The following ZMYM5 variants were observed in gnomAD, a reference collection of about 807,000 sequenced individuals.
ZMYM5 encodes zinc finger MYM-type protein 5.
ZMYM5 carries 41 observed loss-of-function variants against 61.8 expected under a neutral mutation model. That is an observed-to-expected ratio of 0.66 (90% CI 0.52 to 0.86). ZMYM5 has a LOEUF of 0.86. Ranked by LOEUF, ZMYM5 falls within the 40% of genes least tolerant of loss-of-function variation. The probability of loss-of-function intolerance (pLI) is 0.00; values close to 1 mark genes in which losing one functional copy is unlikely to be tolerated. For missense variants in ZMYM5, 706 were observed against 786.7 expected (o/e 0.90, Z 1.23); for synonymous variants, 257 against 276.4 (o/e 0.93, Z 0.70).
At chr13:19,855,723 T>C (rs1380123251) in intron 2 of ZMYM5, among the ~76,000 whole-genome samples, 3 of 151,320 alleles carry the variant, frequency 2.0e-5, no homozygotes, top group Non-Finnish European at 4.4e-5. Context: ...GTTAAAACAC[T>C]ACTAAAGGCC....
rs11449895 is a variant in ZMYM5, at chr13:19,837,024, G to GTT, written c.1038+630_1038+631dup. On this transcript the variant is annotated intron_variant, in intron 6 of 7. Coordinates refer to ENST00000337963, the MANE Select transcript of ZMYM5 (RefSeq NM_001142684.2). ...TTGTTAGATGGGTATGTTGTTTTTT[G>GTT]TTTTTTTTTTTTTCTTTCTTTTTTT... Among the ~76,000 whole-genome samples the GTT allele has an allele frequency of 8.5e-4, 122 of 143,948 alleles. 1 individual carries two copies. Among genetic ancestry groups the GTT allele is most frequent in the South Asian group, 1.6e-3 (7 of 4,488 alleles). 94.4% of individuals were successfully genotyped at this position (143,948 alleles called of 152,430 possible).
chr13:19,841,170 G>T (rs1164141755), intron 4 of ZMYM5, among the ~76,000 whole-genome samples: 1 of 151,388 alleles, frequency 6.6e-6, no homozygotes, highest in African/African-American at 2.4e-5. Context: ...TCACCATGTT[G>T]GTCAGGCTGG....
chr13:19,824,950 T>C lies in ZMYM5; in HGVS notation c.1537A>G (p.Ile513Val), dbSNP rs545110086. Residue 513 changes from isoleucine to valine, a missense_variant, in exon 8 of 8, where the codon ATT becomes GTT. Transcript: ENST00000337963. ...TCTGCGGAAAGCACAACTGGTACAA[T>C]GGAGTCTTCAAAATTTTTCTCTTCC... ...QLEEKNFEDSIVPVVLSADPG... is the reference protein window; with the variant it reads ...QLEEKNFEDSVVPVVLSADPG... 1.2e-5 allele frequency: 17 copies of C among 1,365,306 alleles called. No individual in the cohort carries two copies. Among genetic ancestry groups the C allele is most frequent in the Middle Eastern group, 2.1e-4 (1 of 4,764 alleles). The allele number at this position is 1,365,306 out of a possible 1,614,324, so 84.6% of individuals were successfully genotyped here. A position where few individuals can be genotyped will look rare whatever the true frequency, so the allele number is the denominator to read the frequency against.
chr13:19,858,351 T>G (rs1953586888), intron 2 of ZMYM5, among the ~76,000 whole-genome samples: 2 of 151,818 alleles, frequency 1.3e-5, no homozygotes, highest in Non-Finnish European at 2.9e-5. Flanking sequence ...TTGGGAGGCC[T>G]AGGCAGGTGG....
intron 6 of ZMYM5, among the ~76,000 whole-genome samples, chr13:19,836,827 G>C (rs1206604021): frequency 1.3e-5 from 2 of 152,120 alleles, no homozygotes; most frequent in African/African-American, 4.8e-5. Context: ...CTTTTATAAA[G>C]TGAGGACTGC....
intron 2 of ZMYM5, among the ~76,000 whole-genome samples, chr13:19,861,648 G>C (rs1337782667): frequency 6.6e-6 from 1 of 152,094 alleles, no homozygotes; most frequent in Non-Finnish European, 1.5e-5. Flanking sequence ...TTTGATCAGG[G>C]TTGAAAGGAC....
chr13:19,852,714 T>C (rs1160903673), intron 2 of ZMYM5, among the ~76,000 whole-genome samples: 1 of 152,312 alleles, frequency 6.6e-6, no homozygotes, highest in East Asian at 1.9e-4. Flanking sequence ...ATGGGCTTTT[T>C]ACAGAAAATA....
At chr13:19,833,009 C>CA (rs1381096034) in intron 7 of ZMYM5, among the ~76,000 whole-genome samples, 1 of 152,024 alleles carries the variant, frequency 6.6e-6, no homozygotes, top group Non-Finnish European at 1.5e-5. Flanking sequence ...GCTAGGATTA[C>CA]AGGCACGTAC....
intron 6 of ZMYM5, among the ~76,000 whole-genome samples, chr13:19,836,245 C>T (rs189844795): frequency 6.6e-6 from 1 of 151,636 alleles, no homozygotes; most frequent in Non-Finnish European, 1.5e-5. Context: ...TCCCTAAAGA[C>T]ATTTAATAAC....
chr13:19,827,783 G>A (rs1322651394), intron 7 of ZMYM5, among the ~76,000 whole-genome samples: 2 of 152,056 alleles, frequency 1.3e-5, no homozygotes, highest in African/African-American at 4.8e-5. Flanking sequence ...TGTAATCCCA[G>A]CACTTTGGGA....
chr13:19,848,879 T>C lies in ZMYM5; in HGVS notation c.586+2476A>G, dbSNP rs147488395. On this transcript the variant is annotated intron_variant, in intron 4 of 7. Coordinates refer to ENST00000337963, the MANE Select transcript of ZMYM5 (RefSeq NM_001142684.2). ...AGCTGGGACTACAGGTGCACGCCACTATACCTGGCTAAAGCTTTAATTTTT... is the reference window on the plus strand; with the variant it reads ...AGCTGGGACTACAGGTGCACGCCACCATACCTGGCTAAAGCTTTAATTTTT... 2.4e-3 allele frequency among the ~76,000 whole-genome samples: 358 copies of C among 152,186 alleles called. 1 individual carries two copies. Among genetic ancestry groups the C allele is most frequent in the African/African-American group, 6.5e-3 (271 of 41,500 alleles).
At chr13:19,839,709 ACAAT>A (rs1248335620) in intron 4 of ZMYM5, among the ~76,000 whole-genome samples, 1 of 152,136 alleles carries the variant, frequency 6.6e-6, no homozygotes, top group African/African-American at 2.4e-5. Context: ...ATACCACTAA[ACAAT>A]CAATCCATCT....
At chr13:19,862,074 G>C (rs1487657815) in intron 2 of ZMYM5, among the ~76,000 whole-genome samples, 1 of 152,176 alleles carries the variant, frequency 6.6e-6, no homozygotes, top group African/African-American at 2.4e-5. Context: ...TTATTCAGTA[G>C]TGTTTCTTTT....
chr13:19,833,858 G>A (rs1307135403), intron 7 of ZMYM5, among the ~76,000 whole-genome samples: 1 of 152,088 alleles, frequency 6.6e-6, no homozygotes, highest in Non-Finnish European at 1.5e-5. Flanking sequence ...AAAATCTTCC[G>A]GCCAGGCACA....
chr13:19,840,845 T>C (rs574347859), intron 4 of ZMYM5, among the ~76,000 whole-genome samples: 1 of 151,916 alleles, frequency 6.6e-6, no homozygotes, highest in Non-Finnish European at 1.5e-5. Context: ...GCCCGGCTAA[T>C]TTTTTGTATT....
At chr13:19,833,245 A>G (rs1221095869) in intron 7 of ZMYM5, among the ~76,000 whole-genome samples, 1 of 152,186 alleles carries the variant, frequency 6.6e-6, no homozygotes, top group Non-Finnish European at 1.5e-5. Context: ...TAACCAATTA[A>G]ATTCTCATCC....
chr13:19,824,894 A>G lies in ZMYM5; in HGVS notation c.1593T>C (p.Ile531=). The change falls in exon 8 of 8, where the codon ATT becomes ATC. Residue 531 remains isoleucine (I), a synonymous_variant. Transcript: ENST00000337963. ...TTTCAACAAGAGTGTCCCGTTGTTT[A>G]ATATTCAAAATTCGGGGCCACGTAC... ...DPGTWPRILN[I]KQRDTLVENV... 1 of 1,357,796 alleles carries G rather than the reference A, an allele frequency of 7.4e-7. No homozygotes were observed. The highest frequency in any genetic ancestry group is 9.8e-7 in the Non-Finnish European group (1 of 1,016,634). The allele number at this position is 1,357,796 out of a possible 1,614,324, so 84.1% of individuals were successfully genotyped here.
In ZMYM5 at chr13:19,852,134, G is replaced by A. The variant is rs1664595669; in HGVS notation, c.47C>T (p.Pro16Leu). 1 of 1,612,648 alleles carries A rather than the reference G, an allele frequency of 6.2e-7. No individual in the cohort carries two copies. The highest frequency in any genetic ancestry group is 1.1e-5 in the South Asian group (1 of 91,060). ...CATGGCCATATTCCCTAATAAAGCA[G>A]GAGTCTGTTCAGTCAACTCTAATCC... ...VGGLELTEQTPALLGNMAMAT... is the reference protein window; with the variant it reads ...VGGLELTEQTLALLGNMAMAT... The change falls in exon 3 of 8, where the codon CCT becomes CTT. Residue 16 changes from proline to leucine, a missense_variant. By Grantham distance (98) the Pro-to-Leu change is moderately conservative. This residue lies in a region of ZMYM5 where 480 missense variants were observed against 461.7 expected (regional missense o/e 1.04). Transcript: ENST00000337963.
chr13:19,832,349 C>CA (rs1218347436), intron 7 of ZMYM5, among the ~76,000 whole-genome samples: 1 of 150,736 alleles, frequency 6.6e-6, no homozygotes, highest in African/African-American at 2.4e-5. Flanking sequence ...GTTGTTGAGA[C>CA]AGAGTCTTGC....
Sources: gnomAD v4.1 joint callset for allele counts (sites outside exome capture counted in the v4.1 genomes callset) on GRCh38, gnomAD v4.1.1 for gene constraint, gnomAD v4.1.1 regional missense constraint, MANE v1.5 for transcripts, NCBI Gene and HGNC (gene_info 2026-07-23, HGNC 2026-07-21) for gene names.